The following KDM5A variants were observed in gnomAD, a reference collection of about 807,000 sequenced individuals.
KDM5A encodes the protein lysine-specific demethylase 5A.
KDM5A carries 42 observed loss-of-function variants against 193.5 expected under a neutral mutation model. The observed-to-expected ratio is 0.22, with a 90% CI of 0.17 to 0.28. The LOEUF (loss-of-function observed/expected upper bound fraction) is 0.28, where lower values mean the gene tolerates loss of function less well. KDM5A is among the 10% of genes least tolerant of loss of function. The pLI, the probability that KDM5A is intolerant of heterozygous loss-of-function variation, is 1.00. For synonymous variants in KDM5A, 796 were observed against 718.1 expected, an observed-to-expected ratio of 1.11 and a Z score of -1.73; for missense variants, 1,692 against 2,055.1, an observed-to-expected ratio of 0.82 and a Z score of 3.42.
intron 3 of KDM5A, among the ~76,000 whole-genome samples, chr12:377,050 T>A (rs1425723734): frequency 1.3e-5 from 2 of 151,730 alleles, no homozygotes; most frequent in Non-Finnish European, 1.5e-5. Flanking sequence ...AAAAAAGTCT[T>A]AAGAAGTAGC....
chr12:282,449 G>A lies in KDM5A; in HGVS notation c.*3007C>T, dbSNP rs1326508586. 1.7e-5 allele frequency: 4 copies of A among 232,914 alleles called. No individual in the cohort carries two copies. Among genetic ancestry groups the A allele is most frequent in the Non-Finnish European group, 3.4e-5 (4 of 117,976 alleles). 14.4% of individuals were successfully genotyped at this position (232,914 alleles called of 1,614,324 possible). ...AAGCTGGTGTGCAGCAGCTTAGTGA[G>A]GAAGTCATGCATCTACACATCAACA... On this transcript the variant is annotated 3_prime_UTR_variant, in exon 28 of 28. Transcript: ENST00000399788.
intron 25 of KDM5A, 64 bp downstream of exon 25, chr12:296,977 A>C (rs1443006959): frequency 6.6e-7 from 1 of 1,524,358 alleles, no homozygotes; most frequent in African/African-American, 1.4e-5. Context: ...GTCTTGATTA[A>C]CATAATGCTT....
intron 3 of KDM5A, among the ~76,000 whole-genome samples, chr12:382,484 T>C (rs1944586366): frequency 6.7e-6 from 1 of 149,920 alleles, no homozygotes; most frequent in Non-Finnish European, 1.5e-5. Flanking sequence ...AAAAGTGAAA[T>C]CTTCTAAAAG....
At chr12:316,680 C>A (rs547839170) in intron 19 of KDM5A, among the ~76,000 whole-genome samples, 7 of 152,160 alleles carry the variant, frequency 4.6e-5, no homozygotes, top group Non-Finnish European at 8.8e-5. Flanking sequence ...ATGTTCCCAC[C>A]TCCTGGAACT....
At chr12:304,775 T>C (rs1943485162) in intron 24 of KDM5A, among the ~76,000 whole-genome samples, 1 of 152,196 alleles carries the variant, frequency 6.6e-6, no homozygotes, top group African/African-American at 2.4e-5. Flanking sequence ...TTGTGATGTT[T>C]TCATAGGTTA....
At position 322,630 on chromosome 12, in the gene KDM5A, T is replaced by C. The variant is rs1040781604; in HGVS notation, c.2276-63A>G. 4.8e-6 allele frequency: 7 copies of C among 1,445,990 alleles called. No homozygotes were observed. In the African/African-American group the frequency reaches 9.8e-5, roughly 20 times the overall value. The allele number at this position is 1,445,990 out of a possible 1,614,324, so 89.6% of individuals were successfully genotyped here. On this transcript the variant is annotated intron_variant, in intron 16 of 27. Transcript: ENST00000399788. ...ATAGACACAAAAAGCCATTCTAAAATCTTCACCAACCTCACTCAAGTGAGT... is the reference window on the plus strand; with the variant it reads ...ATAGACACAAAAAGCCATTCTAAAACCTTCACCAACCTCACTCAAGTGAGT...
In KDM5A at chr12:329,003, A is replaced by G; in HGVS notation, c.1800T>C (p.Asn600=). The change falls in exon 14 of 28, where the codon AAT becomes AAC. Residue 600 remains asparagine (N), a synonymous_variant. Transcript: ENST00000399788. ...DWLPIGRQCV[N]HYRRLRRHCV... is the part of the protein sequence containing the mutation. ...AGTGGCGCCTTAGGCGTCGGTAATG[A>G]TTTACACATTGACGTCCAATGGGCA... 1.2e-6 allele frequency: 2 copies of G among 1,614,212 alleles called. No homozygotes were observed. The highest frequency in any genetic ancestry group is 1.7e-6 in the Non-Finnish European group (2 of 1,180,028).
chr12:385,731 A>G (rs998201585), intron 2 of KDM5A, among the ~76,000 whole-genome samples, 166 bp downstream of exon 2: 2 of 152,224 alleles, frequency 1.3e-5, no homozygotes, highest in East Asian at 1.9e-4. Flanking sequence ...AACTTTGCAC[A>G]GTTTTTAAAA....
rs926479609 is a variant in KDM5A at position 385,978 on chromosome 12, A to C, written c.166-4T>G. On this transcript the variant is annotated splice_region_variant and splice_polypyrimidine_tract_variant and intron_variant, in intron 1 of 27. Coordinates refer to ENST00000399788, the MANE Select transcript of KDM5A (RefSeq NM_001042603.3). ...AGGCAAATGGAGGCTGCCAGTCCTA[A>C]ATAGAAAGATTTTTTTAAAAAAACA... The C allele has an allele frequency of 5.6e-6, 9 of 1,611,346 alleles. No homozygotes were observed. Among genetic ancestry groups the C allele is most frequent in the Middle Eastern group, 1.6e-4 (1 of 6,078 alleles).
chr12:297,289 G>C, intron 24 of KDM5A, 89 bp from the exon 25 acceptor site: 2 of 1,046,026 alleles, frequency 1.9e-6, no homozygotes, highest in Non-Finnish European at 1.5e-6. Context: ...TCAGGTTAAA[G>C]CTTCTAATAT....
rs747255552 is a variant in KDM5A, at chr12:389,172, G to C, written c.-81C>G. The C allele has an allele frequency of 7.4e-7, 1 of 1,347,528 alleles. No individual in the cohort carries two copies. 83.5% of individuals were successfully genotyped at this position (1,347,528 alleles called of 1,614,324 possible). A position where few individuals can be genotyped will look rare whatever the true frequency, so the allele number is the denominator to read the frequency against. On this transcript the variant is annotated 5_prime_UTR_variant, in exon 1 of 28. Transcript: ENST00000399788. ...GCTGAAGCCCACTAAGCCCGTTCAA[G>C]TCCCCTGACAGAGGCCGAAGCGCAT...
chr12:350,180 T>TA (rs1257582129), intron 10 of KDM5A, among the ~76,000 whole-genome samples: 1 of 151,852 alleles, frequency 6.6e-6, no homozygotes, highest in East Asian at 1.9e-4. Context: ...CTCACGCCTG[T>TA]AATCCCAGCA....
At position 389,061 on chromosome 12, in the gene KDM5A, C is replaced by T. The variant is rs1223268592; in HGVS notation, c.31G>A (p.Ala11Thr). Residue 11 changes from alanine to threonine, a missense_variant, in exon 1 of 28, where the codon GCG (alanine) becomes ACG (threonine). This residue lies in a region of KDM5A where 84 missense variants were observed against 68.2 expected (regional missense o/e 1.23). Transcript: ENST00000399788. MAGVGPGGYA[A>T]EFVPPPECPV... Reference sequence around the variant, plus strand: ...CACTCTGGCGGTGGCACGAACTCCGCCGCGTAGCCCCCCGGCCCCACGCCC... The same window carrying T: ...CACTCTGGCGGTGGCACGAACTCCGTCGCGTAGCCCCCCGGCCCCACGCCC... 2 of 1,610,188 alleles carry T rather than the reference C, an allele frequency of 1.2e-6. No individual in the cohort carries two copies. The highest frequency in any genetic ancestry group is 8.5e-7 in the Non-Finnish European group (1 of 1,178,216).
At chr12:331,413 G>C (rs909231804) in intron 13 of KDM5A, among the ~76,000 whole-genome samples, 1 of 152,132 alleles carries the variant, frequency 6.6e-6, no homozygotes, top group Non-Finnish European at 1.5e-5. Flanking sequence ...GATTCAGAAA[G>C]AATCGACTGA....
intron 14 of KDM5A, among the ~76,000 whole-genome samples, chr12:326,632 T>G (rs1324684842): frequency 1.3e-5 from 2 of 151,962 alleles, no homozygotes; most frequent in East Asian, 1.9e-4. Context: ...GAGGCCGAGG[T>G]GGACGGATCA....
rs1423402450 is a variant in KDM5A, at chr12:334,257, T to G, written c.1474A>C (p.Ile492Leu). ...WHIEDHWSYS[I>L]NYLHWGEPKT... ...TGTACATACCAGTGCAAGTAGTTGA[T>G]GGAATAACTCCAGTGATCCTCAATG... Residue 492 changes from isoleucine to leucine, a missense_variant, in exon 11 of 28, where the codon ATC (isoleucine) becomes CTC (leucine). Ile to Leu is a conservative substitution (Grantham distance 5). Transcript: ENST00000399788. 6.2e-7 allele frequency: 1 copy of G among 1,614,146 alleles called. No homozygotes were observed. Among genetic ancestry groups the G allele is most frequent in the Non-Finnish European group, 8.5e-7 (1 of 1,180,004 alleles).
chr12:378,130 AATG>A (rs1423367209), intron 3 of KDM5A, among the ~76,000 whole-genome samples: 1 of 152,230 alleles, frequency 6.6e-6, no homozygotes, highest in East Asian at 1.9e-4. Context: ...AAAACTGAGA[AATG>A]AAGAAACAGC....
chr12:387,287 T>C, intron 1 of KDM5A: 1 of 369,300 alleles, frequency 2.7e-6, no homozygotes. Flanking sequence ...AAAATTAAAT[T>C]CTGATTGTAA....
At chr12:330,620 G>A (rs372424839) in intron 13 of KDM5A, among the ~76,000 whole-genome samples, 3 of 152,162 alleles carry the variant, frequency 2.0e-5, no homozygotes, top group African/African-American at 7.2e-5. Context: ...AATAAATGCT[G>A]ATTGAATGTT....
Sources: gnomAD v4.1 joint callset for allele counts (sites outside exome capture counted in the v4.1 genomes callset) on GRCh38, gnomAD v4.1.1 for gene constraint, gnomAD v4.1.1 regional missense constraint, MANE v1.5 for transcripts, NCBI Gene and HGNC (gene_info 2026-07-23, HGNC 2026-07-21) for gene names.